The following ZSWIM5 variants were observed in gnomAD, a reference collection of about 807,000 sequenced individuals.
The protein encoded by ZSWIM5 is zinc finger SWIM domain-containing protein 5.
A neutral mutation model predicts 119.6 loss-of-function variants in ZSWIM5; 55 were observed. The ratio of observed to expected loss-of-function variants is 0.46; its 90% confidence interval spans 0.37 to 0.58. ZSWIM5 has a LOEUF of 0.58. Ranked by LOEUF, ZSWIM5 falls within the 20% of genes least tolerant of loss-of-function variation. The pLI is 0.00. For synonymous variants in ZSWIM5, 537 were observed against 606.9 expected, an observed-to-expected ratio of 0.88 and a Z score of 1.69; for missense variants, 1,193 against 1,512.8, an observed-to-expected ratio of 0.79 and a Z score of 3.51.
chr1:45,150,347 A>G lies in ZSWIM5; in HGVS notation c.595+55409T>C, dbSNP rs559640544. ...ATAAAAACACCAGAAACTATGAAGT[A>G]TTGACGAGCATCAGGAGAAACAGGA... is the stretch of plus-strand genomic sequence containing the variant. On this transcript the variant is annotated intron_variant, in intron 1 of 13. Transcript: ENST00000359600. Among the ~76,000 whole-genome samples, 5 of 152,290 alleles carry G rather than the reference A, an allele frequency of 3.3e-5. No homozygotes were observed. The South Asian group carries it at 1.0e-3, about 32-fold the overall frequency.
intron 1 of ZSWIM5, among the ~76,000 whole-genome samples, chr1:45,129,429 T>C (rs567788651): frequency 1.3e-5 from 2 of 152,282 alleles, no homozygotes; most frequent in South Asian, 4.1e-4. Flanking sequence ...AGTGCTGGGA[T>C]TACAGGCGTG....
chr1:45,049,532 G>T (rs1645076639), intron 5 of ZSWIM5, among the ~76,000 whole-genome samples: 1 of 152,166 alleles, frequency 6.6e-6, no homozygotes, highest in Non-Finnish European at 1.5e-5. Flanking sequence ...GAAACTGCCA[G>T]ACCAGGCTGG....
intron 1 of ZSWIM5, among the ~76,000 whole-genome samples, chr1:45,147,464 A>T (rs1309678445): frequency 1.3e-5 from 2 of 152,082 alleles, no homozygotes; most frequent in Non-Finnish European, 2.9e-5. Flanking sequence ...TTCACTTGTA[A>T]ATGTAGAATT....
At chr1:45,160,143 A>C (rs1645854381) in intron 1 of ZSWIM5, among the ~76,000 whole-genome samples, 1 of 151,826 alleles carries the variant, frequency 6.6e-6, no homozygotes, top group Non-Finnish European at 1.5e-5. Context: ...CAATGCATTG[A>C]TTAGAAAATA....
In ZSWIM5 at chr1:45,206,497, GT is replaced by G; in HGVS notation, c.-148del. 1 of 1,138,408 alleles carries G rather than the reference GT, an allele frequency of 8.8e-7. No homozygotes were observed. Among genetic ancestry groups the G allele is most frequent in the Non-Finnish European group, 1.1e-6 (1 of 929,294 alleles). The allele number at this position is 1,138,408 out of a possible 1,614,324, so 70.5% of individuals were successfully genotyped here. A position where few individuals can be genotyped will look rare whatever the true frequency, so the allele number is the denominator to read the frequency against. On this transcript the variant is annotated 5_prime_UTR_variant, in exon 1 of 14. Coordinates refer to ENST00000359600, the MANE Select transcript of ZSWIM5 (RefSeq NM_020883.2). ...AGAACCCGCGAGCCAGCCGGCCCGAGTGGGGAACCGCGGCCGGGCCCGGGAG... is the reference window on the plus strand; with the variant it reads ...AGAACCCGCGAGCCAGCCGGCCCGAGGGGGAACCGCGGCCGGGCCCGGGAG...
intron 1 of ZSWIM5, 94 bp downstream of exon 1, chr1:45,205,662 G>T: frequency 7.6e-7 from 1 of 1,309,462 alleles, no homozygotes; most frequent in Non-Finnish European, 1.0e-6. Flanking sequence ...GAGTTGGGCA[G>T]AAGGCCGGGG....
intron 1 of ZSWIM5, among the ~76,000 whole-genome samples, chr1:45,170,439 T>C (rs1325338072): frequency 6.6e-6 from 1 of 151,938 alleles, no homozygotes; most frequent in South Asian, 2.1e-4. Context: ...TTTTTTTTTT[T>C]TTTGAGACAG....
Position 45,180,015 on chromosome 1 carries a change from G to T in ZSWIM5, c.595+25741C>A, listed in dbSNP as rs190029069. Among the ~76,000 whole-genome samples, 723 of 152,258 alleles carry T rather than the reference G, an allele frequency of 4.7e-3. 7 individuals carry two copies. Among genetic ancestry groups the T allele is most frequent in the African/African-American group, 0.015 (636 of 41,558 alleles). On this transcript the variant is annotated intron_variant, in intron 1 of 13. Coordinates refer to ENST00000359600, the MANE Select transcript of ZSWIM5 (RefSeq NM_020883.2). ...TCCCAGTGTGAGCGACACAGAAGAC[G>T]GGTGATTTCTGCATTTCCATCTGAG... is the stretch of plus-strand genomic sequence containing the variant.
At position 45,206,439 on chromosome 1, in the gene ZSWIM5, G is replaced by GC. The variant is rs1438628933; in HGVS notation, c.-90dup. On this transcript the variant is annotated 5_prime_UTR_variant, in exon 1 of 14. Coordinates refer to ENST00000359600, the MANE Select transcript of ZSWIM5 (RefSeq NM_020883.2). ...CCACGGCCACGCGCCCCGCGCAAGC[G>GC]CCCAGCGGTGGCGCCGAGGGGGGCG... 8.1e-7 allele frequency: 1 copy of GC among 1,232,498 alleles called. No homozygotes were observed. Among genetic ancestry groups the GC allele is most frequent in the Non-Finnish European group, 1.0e-6 (1 of 988,688 alleles). The allele number at this position is 1,232,498 out of a possible 1,614,324, so 76.3% of individuals were successfully genotyped here. A position where few individuals can be genotyped will look rare whatever the true frequency, so the allele number is the denominator to read the frequency against.
At chr1:45,061,208 G>A (rs1291195324) in intron 2 of ZSWIM5, among the ~76,000 whole-genome samples, 2 of 152,144 alleles carry the variant, frequency 1.3e-5, no homozygotes, top group Non-Finnish European at 2.9e-5. Flanking sequence ...GCATAGTGCT[G>A]ATAATGTGAC....
chr1:45,125,161 T>C (rs1645613090), intron 1 of ZSWIM5, among the ~76,000 whole-genome samples: 1 of 152,218 alleles, frequency 6.6e-6, no homozygotes, highest in African/African-American at 2.4e-5. Flanking sequence ...TTGTGAAACA[T>C]ATGCCAAAAT....
At chr1:45,195,013 C>T (rs531636305) in intron 1 of ZSWIM5, among the ~76,000 whole-genome samples, 19 of 152,306 alleles carry the variant, frequency 1.2e-4, no homozygotes, top group Admixed American at 1.1e-3. Flanking sequence ...GTAGTCCCCA[C>T]TTCCCAAGTT....
At chr1:45,164,344 C>G (rs544239104) in intron 1 of ZSWIM5, among the ~76,000 whole-genome samples, 1 of 151,690 alleles carries the variant, frequency 6.6e-6, no homozygotes, top group Admixed American at 6.6e-5. Context: ...AAGGAACAAC[C>G]GGTACCAGCC....
intron 2 of ZSWIM5, among the ~76,000 whole-genome samples, chr1:45,069,509 C>G (rs1415494501): frequency 6.6e-6 from 1 of 151,410 alleles, no homozygotes; most frequent in Non-Finnish European, 1.5e-5. Flanking sequence ...CCTCTGTTTT[C>G]TATTTCTGAA....
Position 45,018,610 on chromosome 1 carries a change from G to T in ZSWIM5, c.3402C>A (p.His1134Gln), listed in dbSNP as rs781630904. ...TTAGAAACTCAATGAACTCTCCATA[G>T]TGGCGAGGGCTGATGTGTGTTAGGC... ...HSRLTHISPR[H>Q]YGEFIEFLSK... The change falls in exon 14 of 14, where the codon CAC becomes CAA. Residue 1134 changes from histidine (H) to glutamine (Q), a missense_variant. Physicochemically the swap from His to Gln is conservative, Grantham distance 24. Coordinates refer to ENST00000359600, the MANE Select transcript of ZSWIM5 (RefSeq NM_020883.2). The surrounding 1 kb of genome is among the most constrained non-coding windows in gnomAD (Gnocchi z 6.7). 1 of 1,614,238 alleles carries T rather than the reference G, an allele frequency of 6.2e-7. No individual in the cohort carries two copies. Among genetic ancestry groups the T allele is most frequent in the Non-Finnish European group, 8.5e-7 (1 of 1,180,046 alleles).
chr1:45,064,038 G>A (rs1645168215), intron 2 of ZSWIM5, among the ~76,000 whole-genome samples: 1 of 151,846 alleles, frequency 6.6e-6, no homozygotes, highest in Non-Finnish European at 1.5e-5. Context: ...ACACTGCTGA[G>A]GTTCATGTAT....
chr1:45,192,189 A>C (rs1646096843), intron 1 of ZSWIM5, among the ~76,000 whole-genome samples: 1 of 152,210 alleles, frequency 6.6e-6, no homozygotes, highest in Non-Finnish European at 1.5e-5. Context: ...TATTAAGCAC[A>C]TTCACTTGGT....
At chr1:45,169,948 T>G (rs1315130261) in intron 1 of ZSWIM5, among the ~76,000 whole-genome samples, 1 of 152,116 alleles carries the variant, frequency 6.6e-6, no homozygotes, top group Non-Finnish European at 1.5e-5. Flanking sequence ...GGTTAACATT[T>G]TACCTCTAAG....
At chr1:45,107,641 CAAAAA>C (rs931372052) in intron 1 of ZSWIM5, among the ~76,000 whole-genome samples, 4 of 68,560 alleles carry the variant, frequency 5.8e-5, no homozygotes, top group African/African-American at 1.5e-4. Flanking sequence ...GACTCTGTCT[CAAAAA>C]AAAAAAAAAA....
Sources: allele counts gnomAD v4.1 joint callset (sites outside exome capture counted in the v4.1 genomes callset), GRCh38; gene constraint gnomAD v4.1.1; non-coding constraint Gnocchi (gnomAD v3.1); transcripts MANE v1.5; gene names NCBI Gene and HGNC (gene_info 2026-07-23, HGNC 2026-07-21).